Variants in SIK2 observed in about 807,000 individuals in gnomAD.
SIK2 encodes serine/threonine-protein kinase SIK2.
In SIK2, 29 loss-of-function variants were observed where a neutral mutation model predicts 103.2. That is an observed-to-expected ratio of 0.28 (90% CI 0.21 to 0.38). The LOEUF is 0.38. Among genes scored for constraint, SIK2 ranks in the 10% least tolerant of loss-of-function variants. The pLI, the probability that SIK2 is intolerant of heterozygous loss-of-function variation, is 1.00. For missense variants in SIK2, 879 were observed against 1,171.0 expected (o/e 0.75, Z 3.64); for synonymous variants, 412 against 446.1 (o/e 0.92, Z 0.96).
intron 3 of SIK2, among the ~76,000 whole-genome samples, chr11:111,682,831 C>G (rs1942794199): frequency 6.6e-6 from 1 of 152,100 alleles, no homozygotes; most frequent in Non-Finnish European, 1.5e-5. Context: ...GCCTGTTTAC[C>G]TTGCCTGTGC....
In SIK2 at chr11:111,705,013, C is replaced by T. The variant is rs1374336098; in HGVS notation, c.975C>T (p.His325=). 6.2e-7 allele frequency: 1 copy of T among 1,608,210 alleles called. No homozygotes were observed. Among genetic ancestry groups the T allele is most frequent in the Admixed American group, 1.7e-5 (1 of 58,760 alleles). ...CTTTGCAGAACAAGAGCTATAACCA[C>T]TTTGCTGCCATTTATTTCTTGTTGG... is the stretch of plus-strand genomic sequence containing the variant. ...IESLQNKSYN[H]FAAIYFLLVE... Residue 325 remains histidine, a synonymous_variant, in exon 8 of 15, where the codon CAC becomes CAT. Transcript: ENST00000304987. This position sits in a 1 kb window ranked among gnomAD's most constrained non-coding sequence, Gnocchi z 4.3.
chr11:111,621,101 A>G (rs1941878173), intron 3 of SIK2, among the ~76,000 whole-genome samples: 1 of 152,226 alleles, frequency 6.6e-6, no homozygotes, highest in South Asian at 2.1e-4. Context: ...AATAATTCAT[A>G]TGTAGTAAAT....
chr11:111,613,016 A>C (rs1449961512), intron 1 of SIK2, among the ~76,000 whole-genome samples: 1 of 150,360 alleles, frequency 6.7e-6, no homozygotes, highest in African/African-American at 2.5e-5. Flanking sequence ...GAATTATATC[A>C]TTTGAGTTAT....
intron 3 of SIK2, among the ~76,000 whole-genome samples, chr11:111,669,811 G>C (rs770825135): frequency 6.6e-6 from 1 of 152,018 alleles, no homozygotes; most frequent in Admixed American, 6.6e-5. Context: ...CATCCTCTCT[G>C]ATCTTGGCTC....
At chr11:111,698,469 T>C (rs1175250077) in intron 4 of SIK2, among the ~76,000 whole-genome samples, 2 of 152,066 alleles carry the variant, frequency 1.3e-5, no homozygotes, top group African/African-American at 4.8e-5. Context: ...ATGGGCCAGG[T>C]GGTGGCTCAC....
chr11:111,676,124 C>T (rs964596038), intron 3 of SIK2, among the ~76,000 whole-genome samples: 3 of 152,154 alleles, frequency 2.0e-5, no homozygotes, highest in Non-Finnish European at 4.4e-5. Context: ...AGTACTCCAT[C>T]ATGTGTATGT....
chr11:111,716,685 A>C (rs994559084), intron 9 of SIK2, among the ~76,000 whole-genome samples: 1 of 152,250 alleles, frequency 6.6e-6, no homozygotes, highest in Admixed American at 6.5e-5. Context: ...TTGTAATAAA[A>C]GACATAATTC....
intron 1 of SIK2, among the ~76,000 whole-genome samples, chr11:111,609,842 T>A (rs191266383): frequency 9.8e-5 from 15 of 152,326 alleles, no homozygotes; most frequent in Admixed American, 3.3e-4. Flanking sequence ...ATTCCACCAA[T>A]GATTTGTTGT....
intron 7 of SIK2, among the ~76,000 whole-genome samples, chr11:111,703,629 A>G (rs764468900): frequency 1.5e-4 from 23 of 152,234 alleles, no homozygotes; most frequent in Non-Finnish European, 1.0e-4. Flanking sequence ...CTGCCAAAAC[A>G]TTCAAGAGGA....
Position 111,692,392 on chromosome 11 carries a change from A to G in SIK2, c.478+4230A>G, listed in dbSNP as rs956678353. On this transcript the variant is annotated intron_variant, in intron 4 of 14. Coordinates refer to ENST00000304987, the MANE Select transcript of SIK2 (RefSeq NM_015191.3). ...AAAAAAAAAAAAAAAAAAAAAACACAAAAAGGAGAGAGGGAGAGAGAGAGA... is the reference window on the plus strand; with the variant it reads ...AAAAAAAAAAAAAAAAAAAAAACACGAAAAGGAGAGAGGGAGAGAGAGAGA... Among the ~76,000 whole-genome samples the G allele has an allele frequency of 7.3e-5, 9 of 123,704 alleles. 1 individual carries two copies. In the South Asian group the frequency reaches 1.5e-3, roughly 20 times the overall value. 81.2% of individuals were successfully genotyped at this position (123,704 alleles called of 152,430 possible). A position where few individuals can be genotyped will look rare whatever the true frequency, so the allele number is the denominator to read the frequency against.
Position 111,712,249 on chromosome 11 carries a change from G to C in SIK2, c.1140G>C (p.Pro380=), listed in dbSNP as rs145996999. 6.2e-7 allele frequency: 1 copy of C among 1,614,042 alleles called. No individual in the cohort carries two copies. The highest frequency in any genetic ancestry group is 1.3e-5 in the African/African-American group (1 of 74,914). ...GGCTCCCAGTGACCATGCATTCACCGAACATGAGGCTGCTGCGATCTGCCC... is the reference window on the plus strand; with the variant it reads ...GGCTCCCAGTGACCATGCATTCACCCAACATGAGGCTGCTGCGATCTGCCC... The part of the protein sequence containing the change: ...TVGLPVTMHS[P]NMRLLRSALL... The change falls in exon 9 of 15, where the codon CCG becomes CCC. Residue 380 remains proline (P), a synonymous_variant. Transcript: ENST00000304987.
At chr11:111,668,246 AAG>A (rs1179787487) in intron 3 of SIK2, among the ~76,000 whole-genome samples, 2 of 151,880 alleles carry the variant, frequency 1.3e-5, no homozygotes, top group Non-Finnish European at 2.9e-5. Context: ...GCACAAGGGA[AAG>A]AGAGACACTT....
At chr11:111,696,306 C>G (rs1943069477) in intron 4 of SIK2, among the ~76,000 whole-genome samples, 1 of 152,062 alleles carries the variant, frequency 6.6e-6, no homozygotes, top group African/African-American at 2.4e-5. Context: ...AGTAGTGAAT[C>G]AGTGTTTTGA....
At chr11:111,617,041 A>G (rs963894407) in intron 2 of SIK2, among the ~76,000 whole-genome samples, 3 of 152,172 alleles carry the variant, frequency 2.0e-5, no homozygotes, top group African/African-American at 7.2e-5. Flanking sequence ...GGCTTATTTT[A>G]GTAGATAAAA....
At chr11:111,655,616 AGATTTTCTT>A (rs1227740816) in intron 3 of SIK2, among the ~76,000 whole-genome samples, 2 of 152,158 alleles carry the variant, frequency 1.3e-5, no homozygotes, top group African/African-American at 4.8e-5. Context: ...TGGCGGTGAT[AGATTTTCTT>A]GGAAGACAGT....
chr11:111,714,555 G>T (rs1218501630), intron 9 of SIK2, among the ~76,000 whole-genome samples: 3 of 152,202 alleles, frequency 2.0e-5, no homozygotes, highest in Admixed American at 2.0e-4. Flanking sequence ...GCCTGAACTA[G>T]AATAGTGGCA....
chr11:111,644,601 A>G (rs1030766966), intron 3 of SIK2, among the ~76,000 whole-genome samples: 1 of 152,138 alleles, frequency 6.6e-6, no homozygotes, highest in African/African-American at 2.4e-5. Context: ...TATATTCTAA[A>G]CATACAGTAT....
chr11:111,702,510 A>T (rs11213982), intron 6 of SIK2, among the ~76,000 whole-genome samples: 5,211 of 152,236 alleles, frequency 0.034, 105 homozygotes, highest in Middle Eastern at 0.068. Flanking sequence ...GATTGCTTAC[A>T]GTGAGCTGTG....
At chr11:111,699,414 C>T (rs909243579) in intron 4 of SIK2, among the ~76,000 whole-genome samples, 5 of 152,198 alleles carry the variant, frequency 3.3e-5, no homozygotes, top group African/African-American at 9.7e-5. Flanking sequence ...TGACCTTTCA[C>T]GTCTAGTATG....
Sources: gnomAD v4.1 joint callset for allele counts (sites outside exome capture counted in the v4.1 genomes callset) on GRCh38, gnomAD v4.1.1 for gene constraint, Gnocchi (gnomAD v3.1) non-coding constraint, MANE v1.5 for transcripts, NCBI Gene and HGNC (gene_info 2026-07-23, HGNC 2026-07-21) for gene names.